The following FZD7 variants were observed in gnomAD, a reference collection of about 807,000 sequenced individuals.
The protein encoded by FZD7 is frizzled-7.
Under a neutral mutation model 39.0 loss-of-function variants are expected in FZD7, and 21 were observed. That is an observed-to-expected ratio of 0.54 (90% CI 0.38 to 0.78). The LOEUF (loss-of-function observed/expected upper bound fraction) is 0.78. Ranked by LOEUF, FZD7 falls within the 30% of genes least tolerant of loss-of-function variation. FZD7 has a pLI of 0.00. For missense variants in FZD7, 695 were observed against 805.0 expected (o/e 0.86, Z 1.65); for synonymous variants, 428 against 364.9 (o/e 1.17, Z -1.97).
At position 202,038,437 on chromosome 2, in the gene FZD7, C is replaced by T. The variant is rs1345720988; in HGVS notation, c.*2065C>T. 6.4e-6 allele frequency: 1 copy of T among 156,588 alleles called. No individual in the cohort carries two copies. The highest frequency in any genetic ancestry group is 1.5e-5 in the Non-Finnish European group (1 of 68,038). 9.7% of individuals were successfully genotyped at this position (156,588 alleles called of 1,614,324 possible). On this transcript the variant is annotated 3_prime_UTR_variant, in exon 1 of 1. Coordinates refer to ENST00000286201, the MANE Select transcript of FZD7 (RefSeq NM_003507.2). The stretch of plus-strand genomic sequence containing the variant: ...GATCACAAATAAATTTTTTTAAATA[C>T]AAAATGAACATTTATTTAGTTTACT...
In FZD7 at chr2:202,034,577, G is replaced by A. The variant is rs1005445598; in HGVS notation, c.-71G>A. ...GCGTCGGGCGCGGCGGCGCCTCCCC[G>A]CATCCAAGCCTCTCCCAACCGCCTC... On this transcript the variant is annotated 5_prime_UTR_variant, in exon 1 of 1. Transcript: ENST00000286201. The A allele has an allele frequency of 2.7e-5, 36 of 1,315,406 alleles. No homozygotes were observed. The highest frequency in any genetic ancestry group is 3.5e-5 in the Non-Finnish European group (35 of 986,946). The allele number at this position is 1,315,406 out of a possible 1,614,324, so 81.5% of individuals were successfully genotyped here. A position where few individuals can be genotyped will look rare whatever the true frequency, so the allele number is the denominator to read the frequency against.
At position 202,035,323 on chromosome 2, in the gene FZD7, G is replaced by A; in HGVS notation, c.676G>A (p.Gly226Ser). 1.2e-6 allele frequency: 2 copies of A among 1,611,610 alleles called. No homozygotes were observed. Among genetic ancestry groups the A allele is most frequent in the Non-Finnish European group, 1.7e-6 (2 of 1,179,606 alleles). Residue 226 changes from glycine to serine, a missense_variant, in exon 1 of 1, where the codon GGT becomes AGT. Physicochemically the swap from Gly to Ser is moderately conservative, Grantham distance 56 (BLOSUM62 0). Transcript: ENST00000286201. Reference sequence around the variant, plus strand: ...CCCGTACCTGGGCTACCGCTTCCTGGGTGAGCGCGATTGTGGCGCCCCGTG... The same window carrying A: ...CCCGTACCTGGGCTACCGCTTCCTGAGTGAGCGCGATTGTGGCGCCCCGTG... ...VPPYLGYRFL[G>S]ERDCGAPCEP...
Position 202,036,371 on chromosome 2 carries a change from G to C in FZD7, c.1724G>C (p.Ter575SerextTer20). The C allele has an allele frequency of 6.2e-7, 1 of 1,606,544 alleles. No individual in the cohort carries two copies. Among genetic ancestry groups the C allele is most frequent in the Non-Finnish European group, 8.5e-7 (1 of 1,175,644 alleles). Residue 575 changes from the stop codon to serine (S), a stop_lost, in exon 1 of 1, where the codon TGA becomes TCA. Coordinates refer to ENST00000286201, the MANE Select transcript of FZD7 (RefSeq NM_003507.2). ...SHSSKGETAV[*>S] ...AGCAGCAAGGGGGAGACTGCGGTAT[G>C]AGCCCCGGCCCCTCCCCACCTTTCC...
chr2:202,036,128 C>T lies in FZD7; in HGVS notation c.1481C>T (p.Ala494Val), dbSNP rs762632983. The T allele has an allele frequency of 8.1e-6, 13 of 1,613,728 alleles. No homozygotes were observed. Among genetic ancestry groups the T allele is most frequent in the Non-Finnish European group, 9.3e-6 (11 of 1,180,044 alleles). The change falls in exon 1 of 1, where the codon GCC becomes GTC. Residue 494 changes from alanine to valine, a missense_variant. Coordinates refer to ENST00000286201, the MANE Select transcript of FZD7 (RefSeq NM_003507.2). Reference protein sequence around the residue: ...IVLACYFYEQAFREHWERTWL... With the variant: ...IVLACYFYEQVFREHWERTWL... ...CTGGCCTGCTACTTCTACGAGCAGG[C>T]CTTCCGCGAGCACTGGGAGCGCACC...
chr2:202,036,522 T>G lies in FZD7; in HGVS notation c.*150T>G. 1.5e-6 allele frequency: 1 copy of G among 649,924 alleles called. No homozygotes were observed. The highest frequency in any genetic ancestry group is 2.7e-6 in the Non-Finnish European group (1 of 375,874). 40.3% of individuals were successfully genotyped at this position (649,924 alleles called of 1,614,324 possible). A position where few individuals can be genotyped will look rare whatever the true frequency, so the allele number is the denominator to read the frequency against. ...TGGAAGTGAGAAGTTCTTTGCAGAT[T>G]TGGGGCGAGGGGTGATTTGGAAAAG... On this transcript the variant is annotated 3_prime_UTR_variant, in exon 1 of 1. Coordinates refer to ENST00000286201, the MANE Select transcript of FZD7 (RefSeq NM_003507.2).
chr2:202,035,388 G>A lies in FZD7; in HGVS notation c.741G>A (p.Glu247=), dbSNP rs771504922. The change falls in exon 1 of 1, where the codon GAG becomes GAA. Residue 247 remains glutamate, a synonymous_variant. Coordinates refer to ENST00000286201, the MANE Select transcript of FZD7 (RefSeq NM_003507.2). ...GRANGLMYFK[E]EERRFARLWV... ...CCAACGGCCTGATGTACTTTAAGGA[G>A]GAGGAGAGGCGCTTCGCCCGCCTCT... 4.3e-6 allele frequency: 7 copies of A among 1,613,300 alleles called. No homozygotes were observed. Among genetic ancestry groups the A allele is most frequent in the Admixed American group, 3.3e-5 (2 of 60,018 alleles).
chr2:202,035,154 CG>C lies in FZD7; in HGVS notation c.512del (p.Gly171AlafsTer72). On this transcript the variant is annotated frameshift_variant, in exon 1 of 1. Coordinates refer to ENST00000286201, the MANE Select transcript of FZD7 (RefSeq NM_003507.2). LOFTEE classifies it high-confidence loss of function. ...TGGGCCAGAACACGTCGGACGGCTCCGGGGGCCCAGGCGGCGGCCCCACTGC... is the reference window on the plus strand; with the variant it reads ...TGGGCCAGAACACGTCGGACGGCTCCGGGGCCCAGGCGGCGGCCCCACTGC... ...CVGQNTSDGS[G>X]GPGGGPTAYP... The C allele has an allele frequency of 1.2e-6, 2 of 1,603,100 alleles. No individual in the cohort carries two copies. The highest frequency in any genetic ancestry group is 1.1e-5 in the South Asian group (1 of 90,984).
In FZD7 at chr2:202,036,391, C is replaced by G; in HGVS notation, c.*19C>G. ...GGTATGAGCCCCGGCCCCTCCCCAC[C>G]TTTCCCACCCCAGCCCTCTTGCAAG... On this transcript the variant is annotated 3_prime_UTR_variant, in exon 1 of 1. Coordinates refer to ENST00000286201, the MANE Select transcript of FZD7 (RefSeq NM_003507.2). 6.3e-7 allele frequency: 1 copy of G among 1,576,824 alleles called. No homozygotes were observed. The highest frequency in any genetic ancestry group is 8.7e-7 in the Non-Finnish European group (1 of 1,154,272).
Position 202,036,282 on chromosome 2 carries a change from C to G in FZD7, c.1635C>G (p.Gly545=). The change falls in exon 1 of 1, where the codon GGC becomes GGG. Residue 545 remains glycine (G), a synonymous_variant. Coordinates refer to ENST00000286201, the MANE Select transcript of FZD7 (RefSeq NM_003507.2). ...LMTMIVGITT[G]FWIWSGKTLQ... The stretch of plus-strand genomic sequence containing the variant: ...CCATGATCGTCGGCATCACCACTGG[C>G]TTCTGGATCTGGTCGGGCAAGACCC... 1 of 1,613,384 alleles carries G rather than the reference C, an allele frequency of 6.2e-7. No individual in the cohort carries two copies. The highest frequency in any genetic ancestry group is 1.1e-5 in the South Asian group (1 of 91,092).
rs778919859 is a variant in FZD7 at position 202,034,730 on chromosome 2, C to T, written c.83C>T (p.Ala28Val). Residue 28 changes from alanine (A) to valine (V), a missense_variant, in exon 1 of 1, where the codon GCG becomes GTG. Ala to Val is a moderately conservative substitution (Grantham distance 64, BLOSUM62 0). Coordinates refer to ENST00000286201, the MANE Select transcript of FZD7 (RefSeq NM_003507.2). ...CTGGCGCTGCTGGGCGCACTGTCCG[C>T]GGGCGCCGGGGCGCAGCCGTACCAC... Reference protein sequence around the residue: ...LVLALLGALSAGAGAQPYHGE... With the variant: ...LVLALLGALSVGAGAQPYHGE... 9 of 1,611,318 alleles carry T rather than the reference C, an allele frequency of 5.6e-6. No individual in the cohort carries two copies. In the South Asian group the frequency reaches 6.6e-5, roughly 12 times the overall value.
Position 202,034,198 on chromosome 2 carries a change from G to A in FZD7, c.-450G>A, listed in dbSNP as rs1441414223. Among the ~76,000 whole-genome samples, 2 of 151,048 alleles carry A rather than the reference G, an allele frequency of 1.3e-5. No homozygotes were observed. Among genetic ancestry groups the A allele is most frequent in the South Asian group, 4.2e-4 (2 of 4,814 alleles). On this transcript the variant is annotated 5_prime_UTR_variant, in exon 1 of 1. Transcript: ENST00000286201. ...GGGCAGCACCGCGGAGGCGGCGGCC[G>A]GGGCGAGCGAGCGGCGGCGGCAGGG...
chr2:202,035,554 C>T lies in FZD7; in HGVS notation c.907C>T (p.His303Tyr), dbSNP rs1341945140. ...CTGCTACTTCATGGTGGCCGTGGCG[C>T]ACGTGGCCGGCTTCCTTCTAGAGGA... is the stretch of plus-strand genomic sequence containing the variant. ...SGCYFMVAVA[H>Y]VAGFLLEDRA... The change falls in exon 1 of 1, where the codon CAC becomes TAC. Residue 303 changes from histidine to tyrosine, a missense_variant. Physicochemically the swap from His to Tyr is moderately conservative, Grantham distance 83 (BLOSUM62 2). Transcript: ENST00000286201. 6.2e-7 allele frequency: 1 copy of T among 1,614,032 alleles called. No homozygotes were observed. The highest frequency in any genetic ancestry group is 1.3e-5 in the African/African-American group (1 of 74,956).
chr2:202,035,190 C>A lies in FZD7; in HGVS notation c.543C>A (p.Thr181=), dbSNP rs1244133608. 9 of 1,600,070 alleles carry A rather than the reference C, an allele frequency of 5.6e-6. No homozygotes were observed. Among genetic ancestry groups the A allele is most frequent in the Admixed American group, 1.7e-5 (1 of 59,918 alleles). ...GPGGGPTAYP[T]APYLPDLPFT... ...GCGGCGGCCCCACTGCCTACCCTAC[C>A]GCGCCCTACCTGCCGGACCTGCCCT... The change falls in exon 1 of 1, where the codon ACC becomes ACA. Residue 181 remains threonine, a synonymous_variant. Coordinates refer to ENST00000286201, the MANE Select transcript of FZD7 (RefSeq NM_003507.2).
Position 202,034,994 on chromosome 2 carries a change from C to T in FZD7, c.347C>T (p.Ala116Val). 1 of 1,613,670 alleles carries T rather than the reference C, an allele frequency of 6.2e-7. No individual in the cohort carries two copies. The part of the protein sequence containing the change: ...YAPVCTVLDQ[A>V]IPPCRSLCER... ...CCCGTGTGCACCGTGCTCGATCAGGCCATCCCGCCGTGTCGTTCTCTGTGC... is the reference window on the plus strand; with the variant it reads ...CCCGTGTGCACCGTGCTCGATCAGGTCATCCCGCCGTGTCGTTCTCTGTGC... The change falls in exon 1 of 1, where the codon GCC becomes GTC. Residue 116 changes from alanine (A) to valine (V), a missense_variant. Physicochemically the swap from Ala to Val is moderately conservative, Grantham distance 64. Transcript: ENST00000286201.
chr2:202,036,453 G>A lies in FZD7; in HGVS notation c.*81G>A. 9.0e-7 allele frequency: 1 copy of A among 1,111,392 alleles called. No homozygotes were observed. Among genetic ancestry groups the A allele is most frequent in the Non-Finnish European group, 1.3e-6 (1 of 771,720 alleles). The allele number at this position is 1,111,392 out of a possible 1,614,324, so 68.8% of individuals were successfully genotyped here. On this transcript the variant is annotated 3_prime_UTR_variant, in exon 1 of 1. Coordinates refer to ENST00000286201, the MANE Select transcript of FZD7 (RefSeq NM_003507.2). Reference sequence around the variant, plus strand: ...GGTAGGGAAAAGAACTGCTGGGTGGGGGCCTGTTTCTGTAACTTTCTCCCC... The same window carrying A: ...GGTAGGGAAAAGAACTGCTGGGTGGAGGCCTGTTTCTGTAACTTTCTCCCC...
rs574935704 is a variant in FZD7 at position 202,037,571 on chromosome 2, T to A, written c.*1199T>A. ...TACTTTTTCTTGCTATAAGCCTATA[T>A]TTAGGTTTCTTTTCTATTTTTTTCT... On this transcript the variant is annotated 3_prime_UTR_variant, in exon 1 of 1. Coordinates refer to ENST00000286201, the MANE Select transcript of FZD7 (RefSeq NM_003507.2). The A allele has an allele frequency of 1.2e-5, 2 of 167,220 alleles. No individual in the cohort carries two copies. Among genetic ancestry groups the A allele is most frequent in the East Asian group, 3.9e-4 (2 of 5,194 alleles). The allele number at this position is 167,220 out of a possible 1,614,324, so 10.4% of individuals were successfully genotyped here.
At position 202,036,144 on chromosome 2, in the gene FZD7, G is replaced by C; in HGVS notation, c.1497G>C (p.Trp499Cys). 3.1e-6 allele frequency: 5 copies of C among 1,613,680 alleles called. No homozygotes were observed. Among genetic ancestry groups the C allele is most frequent in the Non-Finnish European group, 4.2e-6 (5 of 1,180,036 alleles). The change falls in exon 1 of 1, where the codon TGG becomes TGC. Residue 499 changes from tryptophan (W) to cysteine (C), a missense_variant. Trp to Cys is a radical substitution (Grantham distance 215, BLOSUM62 -2). Coordinates refer to ENST00000286201, the MANE Select transcript of FZD7 (RefSeq NM_003507.2). ...YFYEQAFREH[W>C]ERTWLLQTCK... ...ACGAGCAGGCCTTCCGCGAGCACTG[G>C]GAGCGCACCTGGCTCCTGCAGACGT... is the stretch of plus-strand genomic sequence containing the variant.
At position 202,035,173 on chromosome 2, in the gene FZD7, C is replaced by T. The variant is rs1326327915; in HGVS notation, c.526C>T (p.Pro176Ser). Residue 176 changes from proline to serine, a missense_variant, in exon 1 of 1, where the codon CCC becomes TCC. Physicochemically the swap from Pro to Ser is moderately conservative, Grantham distance 74. Transcript: ENST00000286201. Reference sequence around the variant, plus strand: ...CGGCTCCGGGGGCCCAGGCGGCGGCCCCACTGCCTACCCTACCGCGCCCTA... The same window carrying T: ...CGGCTCCGGGGGCCCAGGCGGCGGCTCCACTGCCTACCCTACCGCGCCCTA... ...SDGSGGPGGG[P>S]TAYPTAPYLP... 1.2e-6 allele frequency: 2 copies of T among 1,601,162 alleles called. No individual in the cohort carries two copies. The highest frequency in any genetic ancestry group is 1.7e-6 in the Non-Finnish European group (2 of 1,179,384).
chr2:202,034,714 C>T lies in FZD7; in HGVS notation c.67C>T (p.Leu23=), dbSNP rs1479195188. 6.2e-7 allele frequency: 1 copy of T among 1,610,566 alleles called. No individual in the cohort carries two copies. The highest frequency in any genetic ancestry group is 8.5e-7 in the Non-Finnish European group (1 of 1,179,552). The change falls in exon 1 of 1, where the codon CTG becomes TTG. Residue 23 remains leucine (L), a synonymous_variant. Transcript: ENST00000286201. The part of the protein sequence containing the change: ...LGLCALVLAL[L]GALSAGAGAQ... The stretch of plus-strand genomic sequence containing the variant: ...CCTCTGTGCCCTGGTGCTGGCGCTG[C>T]TGGGCGCACTGTCCGCGGGCGCCGG...
Sources: allele counts gnomAD v4.1 joint callset (sites outside exome capture counted in the v4.1 genomes callset), GRCh38; gene constraint gnomAD v4.1.1; transcripts MANE v1.5; gene names NCBI Gene and HGNC (gene_info 2026-07-23, HGNC 2026-07-21).